The following PAK3 variants were observed in gnomAD, a reference collection of about 807,000 sequenced individuals.
PAK3 encodes the protein serine/threonine-protein kinase PAK 3.
PAK3 carries 4 observed loss-of-function variants against 41.0 expected under a neutral mutation model. The ratio of observed to expected loss-of-function variants is 0.10; its 90% confidence interval spans 0.05 to 0.22. The LOEUF (loss-of-function observed/expected upper bound fraction) is 0.22, where lower values mean the gene tolerates loss of function less well. Among genes scored for constraint, PAK3 ranks in the 10% least tolerant of loss-of-function variants. PAK3 has a pLI of 1.00. For synonymous variants in PAK3, 146 were observed against 139.6 expected, an observed-to-expected ratio of 1.05 and a Z score of -0.32; for missense variants, 205 against 409.9, an observed-to-expected ratio of 0.50 and a Z score of 4.32.
At chrX:111,093,336 A>G (rs1164707692), upstream of PAK3, among the ~76,000 whole-genome samples, 2 of 111,818 alleles carry the variant, frequency 1.8e-5, no homozygotes, top group Non-Finnish European at 3.8e-5. Flanking sequence ...AGATGGGGAG[A>G]TACAAAAGTG....
At chrX:111,052,605 G>A (rs1269501962) in intron 1 of PAK3, among the ~76,000 whole-genome samples, 1 of 112,246 alleles carries the variant, frequency 8.9e-6, no homozygotes, top group Non-Finnish European at 1.9e-5. Flanking sequence ...TAAAGCAGAG[G>A]TTCAGAGTAG....
At chrX:111,164,971 A>C (rs997950087) in intron 10 of PAK3, among the ~76,000 whole-genome samples, 3 of 111,607 alleles carry the variant, frequency 2.7e-5, no homozygotes, top group Non-Finnish European at 3.8e-5. Flanking sequence ...TTTGCCCTCC[A>C]AAGGACATTT....
intron 1 of PAK3, among the ~76,000 whole-genome samples, chrX:111,022,743 G>A (rs1177391563): frequency 9.0e-6 from 1 of 111,135 alleles, no homozygotes; most frequent in Admixed American, 9.6e-5. Context: ...ATACAGAATG[G>A]CAGAATAGAT....
chrX:111,141,953 A>G, intron 5 of PAK3, 143 bp from the exon 6 acceptor site: 2 of 495,051 alleles, frequency 4.0e-6, no homozygotes, highest in Non-Finnish European at 7.3e-6. Context: ...AAATAATTGG[A>G]ATTTCTGGAG....
chrX:111,047,001 G>C (rs1392829635), intron 1 of PAK3, among the ~76,000 whole-genome samples: 1 of 111,885 alleles, frequency 8.9e-6, no homozygotes, highest in Admixed American at 9.5e-5. Flanking sequence ...TGGGAGCTCA[G>C]TACTCCCAGT....
intron 1 of PAK3, among the ~76,000 whole-genome samples, chrX:110,987,558 C>T (rs1250535733): frequency 1.8e-5 from 2 of 111,902 alleles, no homozygotes; most frequent in African/African-American, 3.3e-5. Context: ...AAGTTGCTTC[C>T]CCTCTTTGGG....
intron 1 of PAK3, among the ~76,000 whole-genome samples, chrX:110,967,599 A>C (rs1195318950): frequency 8.9e-6 from 1 of 111,755 alleles, no homozygotes; most frequent in Non-Finnish European, 1.9e-5. Context: ...TTTTAAGAGA[A>C]GATAGATATC....
intron 1 of PAK3, among the ~76,000 whole-genome samples, chrX:111,047,306 C>T (rs1343043059): frequency 4.5e-5 from 5 of 111,215 alleles, no homozygotes; most frequent in Non-Finnish European, 9.4e-5. Flanking sequence ...TATAGTCAAG[C>T]TCAACATGTT....
chrX:110,997,785 T>C (rs2091766697), intron 1 of PAK3, among the ~76,000 whole-genome samples: 1 of 111,033 alleles, frequency 9.0e-6, no homozygotes, highest in Non-Finnish European at 1.9e-5. Flanking sequence ...AGGTGAGAGC[T>C]TTGGGAGGTG....
At chrX:110,986,913 T>C (rs2091554952) in intron 1 of PAK3, among the ~76,000 whole-genome samples, 1 of 111,572 alleles carries the variant, frequency 9.0e-6, no homozygotes, top group Non-Finnish European at 1.9e-5. Flanking sequence ...GTTTGGTAAA[T>C]AACTAGTAAT....
chrX:111,076,969 T>C (rs1460568283), intron 1 of PAK3, among the ~76,000 whole-genome samples: 1 of 111,410 alleles, frequency 9.0e-6, no homozygotes, highest in Non-Finnish European at 1.9e-5. Flanking sequence ...ATAAATTCAG[T>C]AAGGTTGCAA....
At chrX:110,978,694 TTC>T (rs1264180540) in intron 1 of PAK3, among the ~76,000 whole-genome samples, 1 of 108,437 alleles carries the variant, frequency 9.2e-6, no homozygotes, top group African/African-American at 3.5e-5. Context: ...CTTTCTTTCT[TTC>T]TCTCTGTCTC....
chrX:111,014,123 C>T (rs958786809), intron 1 of PAK3, among the ~76,000 whole-genome samples: 13 of 111,952 alleles, frequency 1.2e-4, no homozygotes, highest in Non-Finnish European at 5.6e-5. Flanking sequence ...CAGCAAAGTC[C>T]CAGCAGATCT....
chrX:110,982,725 G>A (rs2091469519), intron 1 of PAK3, among the ~76,000 whole-genome samples: 1 of 111,304 alleles, frequency 9.0e-6, no homozygotes, highest in African/African-American at 3.3e-5. Flanking sequence ...TTCTTTTTCT[G>A]TCAATACGGG....
intron 1 of PAK3, among the ~76,000 whole-genome samples, chrX:110,965,908 C>A (rs1268643981): frequency 9.0e-6 from 1 of 111,533 alleles, no homozygotes; most frequent in African/African-American, 3.3e-5. Context: ...ATTCGCCCAA[C>A]GTCACAAATC....
chrX:111,184,495 C>A (rs1407788215), intron 11 of PAK3, among the ~76,000 whole-genome samples: 1 of 109,357 alleles, frequency 9.1e-6, no homozygotes, highest in Non-Finnish European at 1.9e-5. Context: ...TGGTTTGCTG[C>A]ACCCATCAAC....
At chrX:110,997,841 C>T (rs1463245741) in intron 1 of PAK3, among the ~76,000 whole-genome samples, 2 of 110,459 alleles carry the variant, frequency 1.8e-5, no homozygotes, top group Non-Finnish European at 3.8e-5. Flanking sequence ...GGGATTAGTA[C>T]CCTTATAAAA....
chrX:111,015,296 T>C (rs1407914022), intron 1 of PAK3, among the ~76,000 whole-genome samples: 1 of 111,127 alleles, frequency 9.0e-6, no homozygotes, highest in Non-Finnish European at 1.9e-5. Context: ...TTTCTATGAC[T>C]GAATAATATT....
chrX:111,091,693 A>G (rs902482571), upstream of PAK3, among the ~76,000 whole-genome samples: 2 of 111,835 alleles, frequency 1.8e-5, no homozygotes, highest in Admixed American at 9.4e-5. Flanking sequence ...CTGCCACAGA[A>G]GAGCTTGAGA....
Sources: allele counts gnomAD v4.1 joint callset (sites outside exome capture counted in the v4.1 genomes callset), GRCh38; gene constraint gnomAD v4.1.1; transcripts MANE v1.5; gene names NCBI Gene and HGNC (gene_info 2026-07-23, HGNC 2026-07-21).